Variants in VWA3B observed in about 807,000 individuals in gnomAD.
VWA3B encodes the protein von Willebrand factor A domain containing 3B, also known as von Willebrand factor A domain-containing protein 3B.
A neutral mutation model predicts 158.3 loss-of-function variants in VWA3B; 138 were observed. That is an observed-to-expected ratio of 0.87 (90% CI 0.76 to 1.00). The LOEUF (loss-of-function observed/expected upper bound fraction) is 1.00. Among genes scored for constraint, VWA3B ranks in the 50% least tolerant of loss-of-function variants. VWA3B has a pLI of 0.00. For synonymous variants in VWA3B, 596 were observed against 587.3 expected, an observed-to-expected ratio of 1.01 and a Z score of -0.21; for missense variants, 1,555 against 1,565.1, an observed-to-expected ratio of 0.99 and a Z score of 0.11.
chr2:98,320,205 TCTTG>T, the VWA3B span, among the ~76,000 whole-genome samples: 5 of 152,330 alleles, frequency 3.3e-5, no homozygotes, highest in East Asian at 9.6e-4. Context: ...GCACACACTC[TCTTG>T]CCTGCCACCA....
chr2:98,229,671 G>A (rs950598003), intron 15 of VWA3B, among the ~76,000 whole-genome samples: 4 of 152,092 alleles, frequency 2.6e-5, no homozygotes, highest in African/African-American at 9.7e-5. Flanking sequence ...GTTTATAACC[G>A]GCTTTCACTC....
chr2:98,189,930 A>T (rs1358800934), intron 10 of VWA3B, among the ~76,000 whole-genome samples: 1 of 152,064 alleles, frequency 6.6e-6, no homozygotes, highest in Non-Finnish European at 1.5e-5. Context: ...ACTTGTCTGC[A>T]TCCTGTATTT....
At chr2:98,102,226 A>C (rs1487335297) in intron 2 of VWA3B, among the ~76,000 whole-genome samples, 1 of 152,224 alleles carries the variant, frequency 6.6e-6, no homozygotes, top group Non-Finnish European at 1.5e-5. Flanking sequence ...AAGGCAGAAG[A>C]ATTTTTCTTA....
intron 1 of VWA3B, among the ~76,000 whole-genome samples, chr2:98,092,483 C>T (rs1682382889): frequency 6.6e-6 from 1 of 151,864 alleles, no homozygotes; most frequent in South Asian, 2.1e-4. Flanking sequence ...TTTCCACTAA[C>T]AATACAAAAA....
intron 19 of VWA3B, among the ~76,000 whole-genome samples, chr2:98,247,297 C>A (rs1686464256): frequency 6.6e-6 from 1 of 152,060 alleles, no homozygotes; most frequent in African/African-American, 2.4e-5. Context: ...CATGCCCAGC[C>A]AACAATTTTT....
chr2:98,181,788 A>T (rs1393121526), intron 9 of VWA3B, among the ~76,000 whole-genome samples: 1 of 152,246 alleles, frequency 6.6e-6, no homozygotes, highest in Admixed American at 6.5e-5. Context: ...AGTGCTCGAC[A>T]GCAGTGCTGC....
downstream of VWA3B, among the ~76,000 whole-genome samples, chr2:98,313,807 G>A (rs1485030982): frequency 3.3e-5 from 5 of 152,138 alleles, no homozygotes; most frequent in African/African-American, 7.2e-5. Flanking sequence ...TGACTACAGG[G>A]CAAATATATA....
In VWA3B at chr2:98,234,633, C is replaced by T. The variant is rs756445267; in HGVS notation, c.2309-15C>T. ...TCCCCAATTCCTTTAACTCTTCCCT[C>T]TGTGATACCAACAGAATCAACCAAA... On this transcript the variant is annotated splice_polypyrimidine_tract_variant and intron_variant, in intron 16 of 27. Transcript: ENST00000477737. 6.2e-6 allele frequency: 10 copies of T among 1,614,136 alleles called. No homozygotes were observed. In the South Asian group the frequency reaches 9.9e-5, roughly 16 times the overall value.
intron 7 of VWA3B, among the ~76,000 whole-genome samples, chr2:98,141,041 A>G (rs1163358785): frequency 1.3e-5 from 2 of 152,162 alleles, no homozygotes; most frequent in African/African-American, 2.4e-5. Context: ...CTCTCAGGGA[A>G]TCTGTTGGAC....
chr2:98,240,586 C>T (rs891062479), intron 19 of VWA3B, among the ~76,000 whole-genome samples: 1 of 152,182 alleles, frequency 6.6e-6, no homozygotes, highest in African/African-American at 2.4e-5. Context: ...TAAAGTAGTA[C>T]TCTCTTCCTA....
intron 12 of VWA3B, among the ~76,000 whole-genome samples, chr2:98,204,011 G>C (rs549749963): frequency 6.6e-6 from 1 of 152,332 alleles, no homozygotes; most frequent in East Asian, 1.9e-4. Context: ...AGGTAATCTG[G>C]AGATTATTTA....
At chr2:98,298,443 T>TATTCTATTCC (rs1409392020) in intron 24 of VWA3B, among the ~76,000 whole-genome samples, 3 of 121,626 alleles carry the variant, frequency 2.5e-5, no homozygotes, top group African/African-American at 8.9e-5. Flanking sequence ...TATTCTATTC[T>TATTCTATTCC]ATGCCATGCC....
intron 10 of VWA3B, among the ~76,000 whole-genome samples, chr2:98,191,289 C>G (rs561588494): frequency 6.6e-6 from 1 of 152,076 alleles, no homozygotes; most frequent in Non-Finnish European, 1.5e-5. Flanking sequence ...CATCCTTTTC[C>G]ACTAATTCTA....
chr2:98,182,404 C>T (rs977857945), intron 9 of VWA3B, among the ~76,000 whole-genome samples: 5 of 152,206 alleles, frequency 3.3e-5, no homozygotes, highest in African/African-American at 1.2e-4. Flanking sequence ...TGCCCCCTCA[C>T]TGCTGTGCAT....
At chr2:98,161,722 C>T (rs1201674759) in intron 7 of VWA3B, among the ~76,000 whole-genome samples, 1 of 151,984 alleles carries the variant, frequency 6.6e-6, no homozygotes, top group Non-Finnish European at 1.5e-5. Context: ...CATTCTGTCT[C>T]CTGGGCTGGA....
At chr2:98,317,278 T>A (rs904288937), downstream of VWA3B, among the ~76,000 whole-genome samples, 13 of 152,170 alleles carry the variant, frequency 8.5e-5, no homozygotes, top group Admixed American at 3.3e-4. Context: ...GCAAACGTTT[T>A]ATGAGGCTTG....
intron 7 of VWA3B, among the ~76,000 whole-genome samples, chr2:98,146,918 A>C (rs1448704505): frequency 6.6e-6 from 1 of 152,210 alleles, no homozygotes; most frequent in African/African-American, 2.4e-5. Flanking sequence ...TGATGTCTTC[A>C]TCAACTGTGT....
rs1680533932 is a variant in VWA3B at position 98,181,080 on chromosome 2, G to A, written c.1179G>A (p.Trp393Ter). The change falls in exon 9 of 28, where the codon TGG becomes TGA. Residue 393 changes from tryptophan to a stop codon, truncating the protein, a stop_gained. Coordinates refer to ENST00000477737, the MANE Select transcript of VWA3B (RefSeq NM_144992.5). LOFTEE classifies it high-confidence loss of function. The stretch of plus-strand genomic sequence containing the variant: ...AAGACACCTGGGACTCTAAGACATG[G>A]CTGCAGAAATATGGCTTGAAGGCCC... The part of the protein sequence containing the change: ...NPEDTWDSKT[W>*]LQKYGLKAQK... The A allele has an allele frequency of 6.2e-7, 1 of 1,614,212 alleles. No individual in the cohort carries two copies. Among genetic ancestry groups the A allele is most frequent in the Non-Finnish European group, 8.5e-7 (1 of 1,180,038 alleles).
At chr2:98,129,730 T>C (rs1056464171) in intron 6 of VWA3B, among the ~76,000 whole-genome samples, 6 of 152,158 alleles carry the variant, frequency 3.9e-5, no homozygotes, top group African/African-American at 1.2e-4. Flanking sequence ...TAAGTTTAGG[T>C]CTCTTGTGGA....
Sources: allele counts gnomAD v4.1 joint callset (sites outside exome capture counted in the v4.1 genomes callset), GRCh38; gene constraint gnomAD v4.1.1; transcripts MANE v1.5; gene names NCBI Gene and HGNC (gene_info 2026-07-23, HGNC 2026-07-21).